The following CEP55 variants were observed in gnomAD, a reference collection of about 807,000 sequenced individuals.
The protein encoded by CEP55 is centrosomal protein of 55 kDa.
A neutral mutation model predicts 63.2 loss-of-function variants in CEP55; 57 were observed. The observed-to-expected ratio is 0.90, with a 90% confidence interval of 0.73 to 1.13. The LOEUF (loss-of-function observed/expected upper bound fraction) is 1.13, where lower values mean the gene tolerates loss of function less well. Among genes scored for constraint, CEP55 ranks in the 50% most tolerant of loss-of-function variants. CEP55 has a pLI of 0.00. For synonymous variants in CEP55, 178 were observed against 191.6 expected (o/e 0.93, Z 0.59); for missense variants, 456 against 518.9 (o/e 0.88, Z 1.18).
intron 2 of CEP55, among the ~76,000 whole-genome samples, chr10:93,502,334 A>G (rs2057643902): frequency 6.6e-6 from 1 of 152,146 alleles, no homozygotes; most frequent in Non-Finnish European, 1.5e-5. Context: ...GCTTGTGGCC[A>G]ACTATAATCT....
chr10:93,516,507 A>G (rs1393181973), intron 5 of CEP55, among the ~76,000 whole-genome samples: 1 of 152,132 alleles, frequency 6.6e-6, no homozygotes, highest in East Asian at 1.9e-4. Flanking sequence ...TCAAAGCAAT[A>G]TAAGCACTTG....
At chr10:93,503,480 C>T in intron 3 of CEP55, 92 bp downstream of exon 3, 1 of 1,237,804 alleles carries the variant, frequency 8.1e-7, no homozygotes, top group East Asian at 2.3e-5. Context: ...GACATGCTTC[C>T]CAAATGATGA....
chr10:93,497,863 A>T (rs1269217382), intron 1 of CEP55, among the ~76,000 whole-genome samples: 4 of 151,750 alleles, frequency 2.6e-5, no homozygotes, highest in Non-Finnish European at 5.9e-5. Flanking sequence ...TCACGCCTGT[A>T]ATCCCAGCAC....
intron 6 of CEP55, among the ~76,000 whole-genome samples, 190 bp from the exon 7 acceptor site, chr10:93,518,687 A>G (rs1045620904): frequency 8.5e-5 from 13 of 152,178 alleles, no homozygotes; most frequent in African/African-American, 3.1e-4. Context: ...ACTCTCGGCA[A>G]GGGCGGTGGT....
intron 2 of CEP55, 59 bp downstream of exon 2, chr10:93,500,293 TTTC>T: frequency 4.5e-6 from 6 of 1,345,724 alleles, no homozygotes; most frequent in Non-Finnish European, 6.3e-6. Flanking sequence ...TGCATGAAGA[TTTC>T]CTGATGCTAC....
chr10:93,503,515 A>G (rs2057656566), intron 3 of CEP55, 127 bp downstream of exon 3: 2 of 907,546 alleles, frequency 2.2e-6, no homozygotes, highest in East Asian at 2.6e-5. Flanking sequence ...ATAGTATACT[A>G]TCAGGTCACT....
intron 8 of CEP55, among the ~76,000 whole-genome samples, chr10:93,524,965 AAACCC>A: frequency 1.3e-5 from 2 of 151,754 alleles, no homozygotes; most frequent in African/African-American, 4.8e-5. Flanking sequence ...TATTTATGAC[AAACCC>A]ACAGCCAATA....
At chr10:93,502,130 A>G (rs2057641890) in intron 2 of CEP55, among the ~76,000 whole-genome samples, 1 of 150,260 alleles carries the variant, frequency 6.7e-6, no homozygotes, top group African/African-American at 2.4e-5. Context: ...GCTTCTTATC[A>G]TCTTGAATAG....
At chr10:93,503,877 A>G (rs75178731) in intron 3 of CEP55, among the ~76,000 whole-genome samples, 1 of 152,314 alleles carries the variant, frequency 6.6e-6, no homozygotes, top group Non-Finnish European at 1.5e-5. Context: ...TTGGTTTTGT[A>G]CTTGCCAGCT....
Position 93,518,890 on chromosome 10 carries a change from AC to A in CEP55, c.1008del (p.Tyr336Ter). 1 of 1,610,358 alleles carries A rather than the reference AC, an allele frequency of 6.2e-7. No individual in the cohort carries two copies. ...EELLSQVQFL[Y>X]TSLLKQQEEQ... Reference sequence around the variant, plus strand: ...TATGTCCTACAGGTCCAGTTTCTTTACACATCTCTGCTAAAGCAGCAAGAAG... The same window carrying A: ...TATGTCCTACAGGTCCAGTTTCTTTAACATCTCTGCTAAAGCAGCAAGAAG... On this transcript the variant is annotated frameshift_variant, in exon 7 of 9. Transcript: ENST00000371485. LOFTEE classifies it high-confidence loss of function.
intron 5 of CEP55, 77 bp from the exon 6 acceptor site, chr10:93,516,858 A>T: frequency 1.0e-6 from 1 of 990,182 alleles, no homozygotes; most frequent in Non-Finnish European, 1.5e-6. Flanking sequence ...TGATTCATTT[A>T]GATGTTTGAT....
chr10:93,507,927 G>T (rs531895836), intron 4 of CEP55, among the ~76,000 whole-genome samples: 1 of 152,250 alleles, frequency 6.6e-6, no homozygotes, highest in Non-Finnish European at 1.5e-5. Flanking sequence ...GATTACGGGC[G>T]TGTGCCACTG....
At chr10:93,503,994 A>G (rs2057661974) in intron 3 of CEP55, among the ~76,000 whole-genome samples, 1 of 151,210 alleles carries the variant, frequency 6.6e-6, no homozygotes, top group African/African-American at 2.4e-5. Context: ...TTTTAAACAT[A>G]TAAGCTAAAC....
chr10:93,525,794 C>G (rs1381523050), intron 8 of CEP55, among the ~76,000 whole-genome samples: 2 of 151,954 alleles, frequency 1.3e-5, no homozygotes, highest in Non-Finnish European at 1.5e-5. Flanking sequence ...ACATCTACAA[C>G]TACCTGATCT....
intron 4 of CEP55, among the ~76,000 whole-genome samples, chr10:93,514,502 A>C (rs2057782800): frequency 6.6e-6 from 1 of 152,240 alleles, no homozygotes; most frequent in South Asian, 2.1e-4. Context: ...AGATCTGTGC[A>C]AGGAAAAAGG....
intron 4 of CEP55, among the ~76,000 whole-genome samples, chr10:93,513,951 T>C (rs11187492): frequency 0.13 from 15,852 of 125,906 alleles, 2,011 homozygotes; most frequent in African/African-American, 0.34. Context: ...CCCCCTCCCC[T>C]TTTTTTTTTT....
At chr10:93,497,108 G>T (rs1242133725) in intron 1 of CEP55, among the ~76,000 whole-genome samples, 185 bp downstream of exon 1, 1 of 152,182 alleles carries the variant, frequency 6.6e-6, no homozygotes, top group Non-Finnish European at 1.5e-5. Flanking sequence ...GTCTCCTCAA[G>T]TGAGATTTTA....
chr10:93,503,673 C>T, intron 3 of CEP55, among the ~76,000 whole-genome samples: 1 of 152,024 alleles, frequency 6.6e-6, no homozygotes, highest in East Asian at 1.9e-4. Flanking sequence ...TTTTTTTGAG[C>T]TCTTATTTCT....
At chr10:93,511,829 C>G (rs1270687453) in intron 4 of CEP55, among the ~76,000 whole-genome samples, 3 of 151,956 alleles carry the variant, frequency 2.0e-5, no homozygotes, top group African/African-American at 7.2e-5. Context: ...GTCTCGAACT[C>G]CTGACCTTGT....
Sources: gnomAD v4.1 joint callset for allele counts (sites outside exome capture counted in the v4.1 genomes callset) on GRCh38, gnomAD v4.1.1 for gene constraint, MANE v1.5 for transcripts, NCBI Gene and HGNC (gene_info 2026-07-23, HGNC 2026-07-21) for gene names.